Variants in PRCP observed in about 807,000 individuals in gnomAD.
PRCP encodes prolylcarboxypeptidase, also known as lysosomal Pro-X carboxypeptidase.
PRCP carries 46 observed loss-of-function variants against 54.2 expected under a neutral mutation model. The ratio of observed to expected loss-of-function variants is 0.85; its 90% confidence interval spans 0.67 to 1.09. The LOEUF is 1.09. Among genes scored for constraint, PRCP ranks in the 50% least tolerant of loss-of-function variants. PRCP has a pLI of 0.00. For missense variants in PRCP, 613 were observed against 596.8 expected, an observed-to-expected ratio of 1.03 and a Z score of -0.28; for synonymous variants, 240 against 212.2, an observed-to-expected ratio of 1.13 and a Z score of -1.14.
At position 82,839,360 on chromosome 11, in the gene PRCP, T is replaced by A. The variant is rs1858604919; in HGVS notation, c.987A>T (p.Gln329His). The change falls in exon 7 of 9, where the codon CAA becomes CAT. Residue 329 changes from glutamine (Q) to histidine (H), a missense_variant. Physicochemically the swap from Gln to His is conservative, Grantham distance 24. Coordinates refer to ENST00000313010, the MANE Select transcript of PRCP (RefSeq NM_005040.4). ...AATAATTGTAATATACATTCAGAGC[T>A]TGGAAAATATTCTGCAGCAGCAGTG... ...SDSLLLQNIF[Q>H]ALNVYYNYSG... 1 of 1,613,864 alleles carries A rather than the reference T, an allele frequency of 6.2e-7. No individual in the cohort carries two copies. Among genetic ancestry groups the A allele is most frequent in the Admixed American group, 1.7e-5 (1 of 60,022 alleles).
chr11:82,836,452 T>C (rs1858527777), intron 8 of PRCP: 1 of 153,514 alleles, frequency 6.5e-6, no homozygotes, highest in South Asian at 2.1e-4. Context: ...TTTCATCAAC[T>C]TTATGGATAT....
chr11:82,837,789 C>G lies in PRCP; in HGVS notation c.1274+598G>C, dbSNP rs535363682. On this transcript the variant is annotated intron_variant, in intron 8 of 8. Coordinates refer to ENST00000313010, the MANE Select transcript of PRCP (RefSeq NM_005040.4). ...GGCAACTGTGTGACTTCTTAAGGAA[C>G]AGTGTAATGTAGAAAAACAAACATG... Among the ~76,000 whole-genome samples, 3 of 152,280 alleles carry G rather than the reference C, an allele frequency of 2.0e-5. No individual in the cohort carries two copies. The East Asian group carries it at 5.8e-4, about 29-fold the overall frequency.
chr11:82,825,203 C>T (rs2121038896), intron 8 of PRCP, 81 bp from the exon 9 acceptor site: 1 of 1,228,750 alleles, frequency 8.1e-7, no homozygotes, highest in Non-Finnish European at 1.1e-6. Context: ...AAACCTATTA[C>T]ATGTTTAACA....
chr11:82,853,632 C>T (rs1157749966), intron 2 of PRCP, among the ~76,000 whole-genome samples: 2 of 152,054 alleles, frequency 1.3e-5, no homozygotes, highest in Admixed American at 1.3e-4. Flanking sequence ...TAAATAAGGA[C>T]GAGGGCCTCT....
intron 6 of PRCP, among the ~76,000 whole-genome samples, chr11:82,848,279 T>G (rs75739501): frequency 0.015 from 2,345 of 152,338 alleles, 58 homozygotes; most frequent in African/African-American, 0.053. Flanking sequence ...AAAGAAATGC[T>G]TAAAATGAAC....
In PRCP at chr11:82,851,926, A is replaced by T. The variant is rs115357883; in HGVS notation, c.411+1251T>A. 2.8e-3 allele frequency among the ~76,000 whole-genome samples: 423 copies of T among 151,756 alleles called. 3 individuals are homozygous for T. The highest frequency in any genetic ancestry group is 9.7e-3 in the African/African-American group (400 of 41,360). ...ATCCTTTACTTCCAGTTTTTATGGC[A>T]CTCTGTACAGTTGAGTGCATTTTTT... On this transcript the variant is annotated intron_variant, in intron 3 of 8. Coordinates refer to ENST00000313010, the MANE Select transcript of PRCP (RefSeq NM_005040.4).
Position 82,852,171 on chromosome 11 carries a change from C to T in PRCP, c.411+1006G>A, listed in dbSNP as rs750859129. 5.3e-5 allele frequency among the ~76,000 whole-genome samples: 8 copies of T among 152,260 alleles called. No individual in the cohort carries two copies. The East Asian group carries it at 5.8e-4, about 11-fold the overall frequency. On this transcript the variant is annotated intron_variant, in intron 3 of 8. Coordinates refer to ENST00000313010, the MANE Select transcript of PRCP (RefSeq NM_005040.4). ...GTCAAGTCCCTTAATCAGATATTTACGCAAAATACCAAGCTAAAGAATAGA... is the reference window on the plus strand; with the variant it reads ...GTCAAGTCCCTTAATCAGATATTTATGCAAAATACCAAGCTAAAGAATAGA...
chr11:82,891,250 T>A (rs373230378), intron 1 of PRCP, among the ~76,000 whole-genome samples: 16 of 152,108 alleles, frequency 1.1e-4, no homozygotes, highest in African/African-American at 3.6e-4. Flanking sequence ...ACAACCTACA[T>A]CTAATTCATC....
chr11:82,864,974 G>A (rs1004719182), intron 1 of PRCP, among the ~76,000 whole-genome samples: 2 of 152,114 alleles, frequency 1.3e-5, no homozygotes, highest in African/African-American at 2.4e-5. Flanking sequence ...GACAGCGGGG[G>A]TGGGAGAGGT....
At chr11:82,866,501 T>C (rs1279965578) in intron 1 of PRCP, among the ~76,000 whole-genome samples, 2 of 152,152 alleles carry the variant, frequency 1.3e-5, no homozygotes, top group South Asian at 2.1e-4. Flanking sequence ...GCTTTTTTTT[T>C]CCTAACATGC....
intron 1 of PRCP, among the ~76,000 whole-genome samples, chr11:82,893,601 G>C (rs1169607027): frequency 2.0e-5 from 3 of 152,046 alleles, no homozygotes; most frequent in African/African-American, 7.2e-5. Flanking sequence ...AGACCAGCCT[G>C]GGCAACATAA....
chr11:82,892,798 C>A (rs911026565), intron 1 of PRCP, among the ~76,000 whole-genome samples: 53 of 152,210 alleles, frequency 3.5e-4, no homozygotes, highest in African/African-American at 1.1e-3. Context: ...AATGCCAAGA[C>A]ATTACAAAAT....
intron 2 of PRCP, among the ~76,000 whole-genome samples, chr11:82,857,643 A>G (rs1565225897): frequency 6.6e-6 from 1 of 152,210 alleles, no homozygotes; most frequent in Non-Finnish European, 1.5e-5. Context: ...CCTAGTGCAC[A>G]TTGTTGCTTT....
chr11:82,901,261 C>T (rs188107392), upstream of PRCP, among the ~76,000 whole-genome samples: 3 of 152,228 alleles, frequency 2.0e-5, no homozygotes, highest in East Asian at 5.8e-4. Flanking sequence ...AGGTCCCGGT[C>T]CCTTCTTTCA....
intron 1 of PRCP, among the ~76,000 whole-genome samples, chr11:82,880,836 G>GA (rs35371555): frequency 0.031 from 4,293 of 137,866 alleles, 83 homozygotes; most frequent in South Asian, 0.067. Context: ...CCTTATGGAG[G>GA]AAAAAAAAAA....
At chr11:82,851,928 T>C (rs926825414) in intron 3 of PRCP, among the ~76,000 whole-genome samples, 5 of 152,202 alleles carry the variant, frequency 3.3e-5, no homozygotes, top group Admixed American at 3.3e-4. Context: ...TTTATGGCAC[T>C]CTGTACAGTT....
chr11:82,861,853 C>A lies in PRCP; in HGVS notation c.169-1736G>T, dbSNP rs570757325. Among the ~76,000 whole-genome samples the A allele has an allele frequency of 4.7e-4, 72 of 152,204 alleles. 1 individual carries two copies. Among genetic ancestry groups the A allele is most frequent in the Admixed American group, 2.8e-3 (43 of 15,282 alleles). On this transcript the variant is annotated intron_variant, in intron 1 of 8. Transcript: ENST00000313010. ...TCCTAGTTTGAACAAACAAGATATA[C>A]ACAATGATGTAGGGACAAATGTGTA...
At chr11:82,832,304 A>C (rs1319814952) in intron 8 of PRCP, among the ~76,000 whole-genome samples, 2 of 152,134 alleles carry the variant, frequency 1.3e-5, no homozygotes, top group Non-Finnish European at 1.5e-5. Context: ...AGTTGAACTA[A>C]TTTACACTCC....
intron 1 of PRCP, among the ~76,000 whole-genome samples, chr11:82,898,691 T>G (rs1860175837): frequency 1.3e-5 from 2 of 152,204 alleles, no homozygotes; most frequent in African/African-American, 4.8e-5. Context: ...AACACATTGG[T>G]CCTTGTCCCA....
Sources: gnomAD v4.1 joint callset for allele counts (sites outside exome capture counted in the v4.1 genomes callset) on GRCh38, gnomAD v4.1.1 for gene constraint, MANE v1.5 for transcripts, NCBI Gene and HGNC (gene_info 2026-07-23, HGNC 2026-07-21) for gene names.